CACNA2D3: variants seen among roughly 807,000 people sequenced by gnomAD.
The protein encoded by CACNA2D3 is voltage-dependent calcium channel subunit alpha-2/delta-3.
Under a neutral mutation model 160.6 loss-of-function variants are expected in CACNA2D3, and 60 were observed. That is an observed-to-expected ratio of 0.37 (90% confidence interval 0.30 to 0.46). The LOEUF is 0.46. CACNA2D3 is among the 20% of genes least tolerant of loss of function. The pLI, the probability that CACNA2D3 is intolerant of heterozygous loss-of-function variation, is 1.00. For missense variants in CACNA2D3, 1,205 were observed against 1,365.0 expected (o/e 0.88, Z 1.85); for synonymous variants, 558 against 492.9 (o/e 1.13, Z -1.75).
At chr3:54,824,385 G>T (rs192311512) in intron 14 of CACNA2D3, among the ~76,000 whole-genome samples, 3 of 152,304 alleles carry the variant, frequency 2.0e-5, no homozygotes. Flanking sequence ...CACACCTCTG[G>T]TTGGGGGAAG....
At chr3:54,258,201 A>T (rs1702336581) in intron 2 of CACNA2D3, among the ~76,000 whole-genome samples, 2 of 152,052 alleles carry the variant, frequency 1.3e-5, no homozygotes, top group Non-Finnish European at 2.9e-5. Flanking sequence ...TTTTTGTTTT[A>T]ATATTTATTT....
At chr3:54,849,173 A>T (rs1251650012) in intron 17 of CACNA2D3, among the ~76,000 whole-genome samples, 3 of 152,200 alleles carry the variant, frequency 2.0e-5, no homozygotes, top group Admixed American at 2.0e-4. Context: ...AGACAAGTAG[A>T]CAACTTGTAC....
intron 2 of CACNA2D3, among the ~76,000 whole-genome samples, chr3:54,144,275 T>C (rs753628766): frequency 6.6e-6 from 1 of 152,224 alleles, no homozygotes; most frequent in Admixed American, 6.5e-5. Context: ...TGTGTCCCCT[T>C]TTCCCCAGTG....
intron 4 of CACNA2D3, among the ~76,000 whole-genome samples, chr3:54,468,533 GT>G (rs1398195889): frequency 6.6e-6 from 1 of 152,202 alleles, no homozygotes; most frequent in African/African-American, 2.4e-5. Flanking sequence ...GCTAGCTGCA[GT>G]TTTTTTCATG....
At chr3:54,530,031 G>A (rs1701783293) in intron 5 of CACNA2D3, among the ~76,000 whole-genome samples, 1 of 152,146 alleles carries the variant, frequency 6.6e-6, no homozygotes, top group South Asian at 2.1e-4. Context: ...GTGAGGTCCT[G>A]GATTCTAAGC....
At chr3:54,354,586 G>T (rs926435974) in intron 3 of CACNA2D3, among the ~76,000 whole-genome samples, 1 of 152,182 alleles carries the variant, frequency 6.6e-6, no homozygotes, top group African/African-American at 2.4e-5. Context: ...TTTTCTGTCA[G>T]TGCTCTTACT....
At chr3:54,857,956 G>C (rs1047996634) in intron 17 of CACNA2D3, among the ~76,000 whole-genome samples, 9 of 151,914 alleles carry the variant, frequency 5.9e-5, no homozygotes, top group African/African-American at 2.2e-4. Flanking sequence ...GGCACTTTAA[G>C]GAAATTTGAT....
chr3:54,547,090 A>T (rs1381217075), intron 5 of CACNA2D3, among the ~76,000 whole-genome samples: 2 of 152,162 alleles, frequency 1.3e-5, no homozygotes, highest in Non-Finnish European at 2.9e-5. Context: ...ATTTGGCTTC[A>T]CTGCTGTTGT....
At chr3:54,196,590 A>G (rs6770811) in intron 2 of CACNA2D3, among the ~76,000 whole-genome samples, 2,269 of 152,368 alleles carry the variant, frequency 0.015, 57 homozygotes, top group African/African-American at 0.05. Context: ...AGCTCTTCTT[A>G]TAAAGTGGTT....
At chr3:54,184,440 A>G (rs1224155068) in intron 2 of CACNA2D3, among the ~76,000 whole-genome samples, 2 of 152,206 alleles carry the variant, frequency 1.3e-5, no homozygotes, top group African/African-American at 4.8e-5. Context: ...AGTCTGGGTC[A>G]TTTGCCCAAG....
intron 5 of CACNA2D3, among the ~76,000 whole-genome samples, chr3:54,509,165 G>A (rs1007207352): frequency 6.6e-6 from 1 of 152,084 alleles, no homozygotes; most frequent in African/African-American, 2.4e-5. Flanking sequence ...TCGTTTACAC[G>A]GAAATCATTA....
chr3:54,190,880 C>T (rs1014606142), intron 2 of CACNA2D3, among the ~76,000 whole-genome samples: 5 of 152,064 alleles, frequency 3.3e-5, no homozygotes, highest in African/African-American at 1.2e-4. Context: ...GGATAAAAGA[C>T]TTAACCTCGT....
chr3:54,729,561 G>A (rs1209771959), intron 11 of CACNA2D3, among the ~76,000 whole-genome samples: 1 of 152,212 alleles, frequency 6.6e-6, no homozygotes, highest in African/African-American at 2.4e-5. Context: ...ATGCAGCTTT[G>A]TCGATGAACT....
At chr3:54,274,165 C>G (rs1702684347) in intron 2 of CACNA2D3, among the ~76,000 whole-genome samples, 1 of 151,674 alleles carries the variant, frequency 6.6e-6, no homozygotes, top group South Asian at 2.1e-4. Context: ...AAACAGAAAC[C>G]TGGAAAATAT....
chr3:54,418,007 T>C (rs1038615188), intron 4 of CACNA2D3, among the ~76,000 whole-genome samples: 1 of 152,178 alleles, frequency 6.6e-6, no homozygotes, highest in Non-Finnish European at 1.5e-5. Flanking sequence ...AGGCTGGTCT[T>C]GAGCTCCTGG....
chr3:54,540,018 C>A (rs747919866), intron 5 of CACNA2D3, among the ~76,000 whole-genome samples: 1 of 152,104 alleles, frequency 6.6e-6, no homozygotes, highest in South Asian at 2.1e-4. Context: ...AATTTGCAGC[C>A]GTCTTGGAAG....
chr3:54,257,614 ACAGAGTAATTTTT>A lies in CACNA2D3; in HGVS notation c.205-62827_205-62815del, dbSNP rs367575398. ...TTTCTTCTAGAAAGGTTGATTGCAG[ACAGAGTAATTTTT>A]TTTCATCTGAAAAGCTTATTTGTGA... On this transcript the variant is annotated intron_variant, in intron 2 of 37. Transcript: ENST00000474759. Among the ~76,000 whole-genome samples the A allele has an allele frequency of 5.5e-3, 840 of 152,232 alleles. 7 individuals are homozygous for A. Among genetic ancestry groups the A allele is most frequent in the African/African-American group, 0.019 (784 of 41,518 alleles).
intron 6 of CACNA2D3, among the ~76,000 whole-genome samples, chr3:54,568,577 T>C (rs536407991): frequency 1.7e-4 from 26 of 152,382 alleles, no homozygotes; most frequent in African/African-American, 6.3e-4. Context: ...TACCTGGCTT[T>C]ATGCAAAGCA....
intron 31 of CACNA2D3, among the ~76,000 whole-genome samples, chr3:54,990,028 C>G (rs907636611): frequency 6.6e-6 from 1 of 152,132 alleles, no homozygotes; most frequent in Non-Finnish European, 1.5e-5. Context: ...CTGTAACTGA[C>G]AGCACTCTGG....
Sources: allele counts gnomAD v4.1 joint callset (sites outside exome capture counted in the v4.1 genomes callset), GRCh38; gene constraint gnomAD v4.1.1; transcripts MANE v1.5; gene names NCBI Gene and HGNC (gene_info 2026-07-23, HGNC 2026-07-21).